Variants in DNAI4 observed in about 807,000 individuals in gnomAD.
DNAI4 encodes WD repeat domain 78.
Under a neutral mutation model 105.8 loss-of-function variants are expected in DNAI4, and 85 were observed. That is an observed-to-expected ratio of 0.80 (90% CI 0.67 to 0.96). The LOEUF is 0.96. DNAI4 is among the 40% of genes least tolerant of loss of function. The pLI is 0.00. For missense variants in DNAI4, 1,014 were observed against 1,005.6 expected (o/e 1.01, Z -0.11); for synonymous variants, 352 against 331.5 (o/e 1.06, Z -0.67).
chr1:66,883,937 A>T (rs536191260), intron 4 of DNAI4, among the ~76,000 whole-genome samples: 3 of 152,160 alleles, frequency 2.0e-5, no homozygotes, highest in Admixed American at 2.0e-4. Flanking sequence ...TTAAAAAAAC[A>T]TACTTCTCCT....
At chr1:66,880,993 G>A (rs1647057163) in intron 4 of DNAI4, among the ~76,000 whole-genome samples, 1 of 152,214 alleles carries the variant, frequency 6.6e-6, no homozygotes, top group Admixed American at 6.5e-5. Flanking sequence ...TACAGCTCAA[G>A]CTATGGCTTC....
intron 4 of DNAI4, among the ~76,000 whole-genome samples, chr1:66,887,914 G>T (rs1647279929): frequency 6.6e-6 from 1 of 151,864 alleles, no homozygotes; most frequent in Admixed American, 6.6e-5. Flanking sequence ...AGCCGAGATC[G>T]CACCACTGCA....
intron 7 of DNAI4, among the ~76,000 whole-genome samples, chr1:66,853,336 T>C (rs1646435997): frequency 6.6e-6 from 1 of 152,178 alleles, no homozygotes; most frequent in Admixed American, 6.5e-5. Context: ...TCAGGGAACT[T>C]ACATGATTCT....
At chr1:66,844,628 A>T (rs1295570213) in intron 8 of DNAI4, among the ~76,000 whole-genome samples, 1 of 152,138 alleles carries the variant, frequency 6.6e-6, no homozygotes, top group East Asian at 1.9e-4. Flanking sequence ...TAAAGGCTAA[A>T]ACTATACAGC....
intron 4 of DNAI4, among the ~76,000 whole-genome samples, chr1:66,889,375 G>T (rs1288487603): frequency 2.0e-5 from 3 of 152,112 alleles, no homozygotes. Flanking sequence ...CCCAGAGTGA[G>T]CTAGAGAAGA....
chr1:66,849,960 C>T (rs568407525), intron 7 of DNAI4, among the ~76,000 whole-genome samples: 6 of 151,874 alleles, frequency 4.0e-5, no homozygotes, highest in South Asian at 2.1e-4. Context: ...CATTATCATC[C>T]GAGGATTGGA....
intron 16 of DNAI4, among the ~76,000 whole-genome samples, chr1:66,819,219 C>T (rs890187517): frequency 2.0e-5 from 3 of 152,066 alleles, no homozygotes; most frequent in Non-Finnish European, 2.9e-5. Flanking sequence ...TATCTTTGCT[C>T]GAGATTTTCC....
intron 1 of DNAI4, among the ~76,000 whole-genome samples, chr1:66,907,484 C>T (rs904227843): frequency 4.6e-5 from 7 of 152,156 alleles, no homozygotes; most frequent in Non-Finnish European, 8.8e-5. Context: ...TTCCCTTTTC[C>T]TTTGAGCTCC....
At chr1:66,910,680 T>G (rs1266633012) in intron 1 of DNAI4, among the ~76,000 whole-genome samples, 1 of 152,260 alleles carries the variant, frequency 6.6e-6, no homozygotes, top group Non-Finnish European at 1.5e-5. Context: ...CTTCATATCT[T>G]CTTGCCTTAT....
intron 1 of DNAI4, among the ~76,000 whole-genome samples, chr1:66,912,321 T>C (rs1649720126): frequency 6.6e-6 from 1 of 151,720 alleles, no homozygotes; most frequent in Admixed American, 6.6e-5. Context: ...AAAAAAAAAT[T>C]AGCTGAGTGT....
chr1:66,847,448 G>A (rs780293715), intron 8 of DNAI4, 36 bp downstream of exon 8: 1 of 1,583,722 alleles, frequency 6.3e-7, no homozygotes, highest in South Asian at 1.1e-5. Flanking sequence ...ATAAGCAACT[G>A]CACCCAGCCT....
intron 14 of DNAI4, 31 bp from the exon 15 acceptor site, chr1:66,827,077 T>A: frequency 6.5e-7 from 1 of 1,527,288 alleles, no homozygotes; most frequent in Non-Finnish European, 8.9e-7. Context: ...CATAGGTAAA[T>A]AATATTTAAC....
intron 15 of DNAI4, among the ~76,000 whole-genome samples, chr1:66,824,853 T>C (rs1160936595): frequency 1.3e-5 from 2 of 152,188 alleles, no homozygotes; most frequent in Non-Finnish European, 1.5e-5. Context: ...GTGGGTAGGC[T>C]TCATACAATT....
intron 9 of DNAI4, among the ~76,000 whole-genome samples, chr1:66,838,508 T>C (rs1646078370): frequency 6.6e-6 from 1 of 152,218 alleles, no homozygotes; most frequent in Admixed American, 6.5e-5. Flanking sequence ...CAGTCTATAA[T>C]ATATTGTTAC....
intron 7 of DNAI4, among the ~76,000 whole-genome samples, chr1:66,854,100 A>G (rs1157277580): frequency 6.6e-6 from 1 of 152,186 alleles, no homozygotes; most frequent in African/African-American, 2.4e-5. Flanking sequence ...CAAATTAAAA[A>G]CACAATACTG....
intron 15 of DNAI4, among the ~76,000 whole-genome samples, chr1:66,824,201 T>C (rs1645698489): frequency 1.4e-5 from 2 of 139,992 alleles, no homozygotes; most frequent in Admixed American, 7.1e-5. Context: ...CTCAGGTTTG[T>C]CAAAGATCAG....
chr1:66,884,992 A>G (rs1360529300), intron 4 of DNAI4, among the ~76,000 whole-genome samples: 1 of 152,188 alleles, frequency 6.6e-6, no homozygotes, highest in Non-Finnish European at 1.5e-5. Flanking sequence ...ATTTCCCTCT[A>G]AAAATTGCTT....
At chr1:66,868,442 G>T (rs1303825003) in intron 6 of DNAI4, among the ~76,000 whole-genome samples, 1 of 152,172 alleles carries the variant, frequency 6.6e-6, no homozygotes, top group Admixed American at 6.5e-5. Context: ...ATTTGAATTG[G>T]TGGACTGAGT....
chr1:66,873,852 C>CTTTTTT (rs749140367), intron 5 of DNAI4, among the ~76,000 whole-genome samples: 20 of 110,164 alleles, frequency 1.8e-4, no homozygotes, highest in South Asian at 5.6e-4. Flanking sequence ...TCCCTCTTTC[C>CTTTTTT]TTTTTTTTTT....
Sources: gnomAD v4.1 joint callset for allele counts (sites outside exome capture counted in the v4.1 genomes callset) on GRCh38, gnomAD v4.1.1 for gene constraint, MANE v1.5 for transcripts, NCBI Gene and HGNC (gene_info 2026-07-23, HGNC 2026-07-21) for gene names.